CYP3A7: variants seen among roughly 807,000 people sequenced by gnomAD.
The protein encoded by CYP3A7 is cytochrome P450 3A7.
In CYP3A7, 45 loss-of-function variants were observed where a neutral mutation model predicts 55.2. The ratio of observed to expected loss-of-function variants is 0.82; its 90% CI spans 0.64 to 1.05. CYP3A7 has a LOEUF of 1.05. Among genes scored for constraint, CYP3A7 ranks in the 50% least tolerant of loss-of-function variants. The pLI is 0.00. For synonymous variants in CYP3A7, 180 were observed against 207.4 expected (o/e 0.87, Z 1.13); for missense variants, 548 against 605.3 (o/e 0.91, Z 0.99).
chr7:99,721,154 G>C (rs1246992688), intron 3 of CYP3A7, among the ~76,000 whole-genome samples: 1 of 152,176 alleles, frequency 6.6e-6, no homozygotes, highest in Non-Finnish European at 1.5e-5. Context: ...CAGCCCACCA[G>C]GGAACACAAT....
chr7:99,719,507 A>G (rs1315146566), intron 4 of CYP3A7, among the ~76,000 whole-genome samples: 1 of 152,222 alleles, frequency 6.6e-6, no homozygotes, highest in Non-Finnish European at 1.5e-5. Context: ...TTAGTAAAGC[A>G]TTAAACTTTA....
intron 6 of CYP3A7, 76 bp downstream of exon 6, chr7:99,717,101 G>A (rs555388383): frequency 5.1e-5 from 81 of 1,590,894 alleles, no homozygotes; most frequent in East Asian, 1.3e-4. Context: ...ACCCAACAGC[G>A]GGAGTATCAG....
intron 2 of CYP3A7, among the ~76,000 whole-genome samples, chr7:99,724,758 G>T (rs1428747873): frequency 6.6e-6 from 1 of 152,136 alleles, no homozygotes; most frequent in Admixed American, 6.5e-5. Flanking sequence ...CATAGTCAAG[G>T]TACATGTGCC....
At chr7:99,716,503 C>T (rs1454785259) in intron 6 of CYP3A7, among the ~76,000 whole-genome samples, 1 of 152,092 alleles carries the variant, frequency 6.6e-6, no homozygotes, top group African/African-American at 2.4e-5. Context: ...AATATAATGA[C>T]AAATGATGTC....
chr7:99,709,048 A>G lies in CYP3A7; in HGVS notation c.1240T>C (p.Phe414Leu). ...GGGGCCTCCTACCTTTCAGGGAGGA[A>G]CTTCTCAGGCTCTGTCCAGTACTTT... Reference protein sequence around the residue: ...DPKYWTEPEKFLPERFSKKNK... With the variant: ...DPKYWTEPEKLLPERFSKKNK... The change falls in exon 11 of 13, where the codon TTC becomes CTC. Residue 414 changes from phenylalanine (F) to leucine (L), a missense_variant. By Grantham distance (22) the Phe-to-Leu change is conservative. Coordinates refer to ENST00000336374, the MANE Select transcript of CYP3A7 (RefSeq NM_000765.5). 6.2e-7 allele frequency: 1 copy of G among 1,613,990 alleles called. No homozygotes were observed.
At chr7:99,714,994 C>T (rs1462515211) in intron 7 of CYP3A7, among the ~76,000 whole-genome samples, 1 of 152,184 alleles carries the variant, frequency 6.6e-6, no homozygotes, top group Non-Finnish European at 1.5e-5. Flanking sequence ...CTTAGGATAA[C>T]CCAAATCATA....
intron 7 of CYP3A7, 108 bp downstream of exon 7, chr7:99,715,650 C>A (rs1165632020): frequency 2.5e-6 from 4 of 1,569,786 alleles, no homozygotes; most frequent in African/African-American, 1.4e-5. Context: ...GTACTACAAA[C>A]CATTAAACTG....
At position 99,711,553 on chromosome 7, in the gene CYP3A7, G is replaced by A. The variant is rs531823005; in HGVS notation, c.866-661C>T. ...GGAGGCCAAGGTGGGTGGATCACCC[G>A]AGGTCAGGAGTTCAAGACCAGCCTA... On this transcript the variant is annotated intron_variant, in intron 9 of 12. Transcript: ENST00000336374. Among the ~76,000 whole-genome samples the A allele has an allele frequency of 4.9e-4, 74 of 152,282 alleles. 1 individual carries two copies. Among genetic ancestry groups the A allele is most frequent in the African/African-American group, 1.5e-3 (64 of 41,564 alleles).
rs193253026 is a variant in CYP3A7 at position 99,709,920 on chromosome 7, A to C, written c.1027-659T>G. Among the ~76,000 whole-genome samples, 113 of 152,310 alleles carry C rather than the reference A, an allele frequency of 7.4e-4. 1 individual carries two copies. The East Asian group carries it at 0.011, about 15-fold the overall frequency. Reference sequence around the variant, plus strand: ...AAAAACTAGTCCCTTTCTATCCCAAATATGACAAAAGAAAGTTCTGGTGGA... The same window carrying C: ...AAAAACTAGTCCCTTTCTATCCCAACTATGACAAAAGAAAGTTCTGGTGGA... On this transcript the variant is annotated intron_variant, in intron 10 of 12. Transcript: ENST00000336374.
At chr7:99,724,882 G>T (rs1045246910) in intron 2 of CYP3A7, among the ~76,000 whole-genome samples, 1 of 151,900 alleles carries the variant, frequency 6.6e-6, no homozygotes, top group Non-Finnish European at 1.5e-5. Flanking sequence ...ATTTAACCTG[G>T]AGTGACTGAA....
chr7:99,705,205 G>C lies in CYP3A7; in HGVS notation c.*295C>G. 3.1e-6 allele frequency: 1 copy of C among 322,998 alleles called. No individual in the cohort carries two copies. The highest frequency in any genetic ancestry group is 3.7e-5 in the South Asian group (1 of 26,718). 20.0% of individuals were successfully genotyped at this position (322,998 alleles called of 1,614,324 possible). On this transcript the variant is annotated 3_prime_UTR_variant, in exon 13 of 13. Transcript: ENST00000336374. ...GAGAAATGTTAATTATGTTATCAGAGCTCAGGAGGAGTTAATGGTGCTAAC... is the reference window on the plus strand; with the variant it reads ...GAGAAATGTTAATTATGTTATCAGACCTCAGGAGGAGTTAATGGTGCTAAC...
intron 4 of CYP3A7, among the ~76,000 whole-genome samples, chr7:99,719,743 C>G (rs1814110992): frequency 6.6e-6 from 1 of 152,182 alleles, no homozygotes; most frequent in Non-Finnish European, 1.5e-5. Context: ...TCATGCTGGT[C>G]ATTGCACAAA....
intron 6 of CYP3A7, 67 bp downstream of exon 6, chr7:99,717,110 A>G (rs1359894982): frequency 1.2e-6 from 2 of 1,601,862 alleles, no homozygotes; most frequent in African/African-American, 2.7e-5. Context: ...CGGGAGTATC[A>G]GCTCCATAGC....
chr7:99,713,818 C>A (rs1390968101), intron 8 of CYP3A7, among the ~76,000 whole-genome samples: 1 of 152,184 alleles, frequency 6.6e-6, no homozygotes, highest in East Asian at 1.9e-4. Context: ...TTTTATTCTT[C>A]TGTCTTCTTC....
At chr7:99,728,753 C>T (rs901095542) in intron 2 of CYP3A7, among the ~76,000 whole-genome samples, 1 of 152,200 alleles carries the variant, frequency 6.6e-6, no homozygotes, top group African/African-American at 2.4e-5. Flanking sequence ...AATCCCTCTA[C>T]TTGTAGGGTT....
Position 99,735,122 on chromosome 7 carries a change from C to CT in CYP3A7, c.-30dup, listed in dbSNP as rs1814782543. The stretch of plus-strand genomic sequence containing the variant: ...TACTTTCCTTCCTTATCTCTCTCCT[C>CT]TGAGTCTTTTTTTCAGCAGCGTGCT... On this transcript the variant is annotated 5_prime_UTR_variant, in exon 1 of 13. Coordinates refer to ENST00000336374, the MANE Select transcript of CYP3A7 (RefSeq NM_000765.5). 1 of 1,613,490 alleles carries CT rather than the reference C, an allele frequency of 6.2e-7. No individual in the cohort carries two copies. The highest frequency in any genetic ancestry group is 1.3e-5 in the African/African-American group (1 of 74,906).
intron 1 of CYP3A7, among the ~76,000 whole-genome samples, chr7:99,733,452 C>A (rs1447714973): frequency 6.6e-6 from 1 of 152,148 alleles, no homozygotes; most frequent in Admixed American, 6.5e-5. Flanking sequence ...AAAAATCCAT[C>A]ATCTATTGCA....
intron 3 of CYP3A7, 109 bp from the exon 4 acceptor site, chr7:99,720,521 T>A: frequency 8.4e-7 from 1 of 1,185,490 alleles, no homozygotes; most frequent in Non-Finnish European, 1.2e-6. Context: ...CCTCTAGATG[T>A]ACAATACACA....
intron 2 of CYP3A7, among the ~76,000 whole-genome samples, chr7:99,723,634 G>A (rs1814295859): frequency 6.6e-6 from 1 of 152,066 alleles, no homozygotes; most frequent in Admixed American, 6.6e-5. Context: ...CCCTGTCCTC[G>A]CCCTCACTCC....
Sources: allele counts gnomAD v4.1 joint callset (sites outside exome capture counted in the v4.1 genomes callset), GRCh38; gene constraint gnomAD v4.1.1; transcripts MANE v1.5; gene names NCBI Gene and HGNC (gene_info 2026-07-23, HGNC 2026-07-21).